FRMPD1: variants seen among roughly 807,000 people sequenced by gnomAD.
FRMPD1 encodes the protein FERM and PDZ domain-containing protein 1.
A neutral mutation model predicts 117.8 loss-of-function variants in FRMPD1; 76 were observed. That is an observed-to-expected ratio of 0.65 (90% CI 0.54 to 0.78). The LOEUF (loss-of-function observed/expected upper bound fraction) is 0.78, where lower values mean the gene tolerates loss of function less well. FRMPD1 is among the 30% of genes least tolerant of loss of function. The pLI is 0.00. For missense variants in FRMPD1, 1,786 were observed against 1,964.5 expected, an observed-to-expected ratio of 0.91 and a Z score of 1.72; for synonymous variants, 783 against 770.4, an observed-to-expected ratio of 1.02 and a Z score of -0.27.
chr9:37,651,608 G>T (rs986458311), intron 1 of FRMPD1, among the ~76,000 whole-genome samples: 1 of 152,258 alleles, frequency 6.6e-6, no homozygotes, highest in Non-Finnish European at 1.5e-5. Context: ...ACAGAAGTCA[G>T]TCTCCAGGGT....
intron 2 of FRMPD1, among the ~76,000 whole-genome samples, chr9:37,702,523 C>T (rs1822570581): frequency 6.6e-6 from 1 of 152,220 alleles, no homozygotes; most frequent in South Asian, 2.1e-4. Context: ...GACCTTTGAG[C>T]TGGACTTTGA....
chr9:37,643,256 CT>C, the FRMPD1 span, among the ~76,000 whole-genome samples: 2 of 152,014 alleles, frequency 1.3e-5, no homozygotes, highest in Admixed American at 6.5e-5. Context: ...TGGGCTTAGT[CT>C]TTTTTTCTAT....
intron 2 of FRMPD1, among the ~76,000 whole-genome samples, chr9:37,701,133 T>C (rs1822513794): frequency 6.6e-6 from 1 of 152,206 alleles, no homozygotes; most frequent in Non-Finnish European, 1.5e-5. Flanking sequence ...CAGTGCAATG[T>C]CATTTGTCCA....
chr9:37,603,319 G>A, the FRMPD1 span, among the ~76,000 whole-genome samples: 7 of 152,178 alleles, frequency 4.6e-5, no homozygotes, highest in Admixed American at 1.3e-4. Flanking sequence ...GAAGACTGTG[G>A]ACACTGGTGG....
intron 5 of FRMPD1, among the ~76,000 whole-genome samples, chr9:37,714,976 G>A (rs1823057852): frequency 6.6e-6 from 1 of 152,112 alleles, no homozygotes; most frequent in Non-Finnish European, 1.5e-5. Flanking sequence ...ATTGCAAAAT[G>A]ATCATATATG....
chr9:37,746,603 T>G lies in FRMPD1; in HGVS notation c.4571T>G (p.Leu1524Arg). 2 of 1,614,042 alleles carry G rather than the reference T, an allele frequency of 1.2e-6. No individual in the cohort carries two copies. The highest frequency in any genetic ancestry group is 1.7e-6 in the Non-Finnish European group (2 of 1,179,990). ...SARHREAAGN[L>R]RDVVYTYHQF... is the part of the protein sequence containing the mutation. ...CGGCACAGGGAGGCAGCGGGGAACC[T>G]GAGGGATGTGGTGTACACCTACCAT... Residue 1524 changes from leucine (L) to arginine (R), a missense_variant, in exon 16 of 16, where the codon CTG becomes CGG. By Grantham distance (102) the Leu-to-Arg change is moderately radical. Coordinates refer to ENST00000377765, the MANE Select transcript of FRMPD1 (RefSeq NM_014907.3).
chr9:37,636,122 G>T, the FRMPD1 span, among the ~76,000 whole-genome samples: 5 of 152,204 alleles, frequency 3.3e-5, no homozygotes, highest in African/African-American at 7.2e-5. Flanking sequence ...CAGCTGGACG[G>T]CTGGAGCTGG....
intron 12 of FRMPD1, among the ~76,000 whole-genome samples, chr9:37,734,500 T>C (rs74884005): frequency 0.04 from 6,127 of 151,688 alleles, 428 homozygotes; most frequent in African/African-American, 0.14. Flanking sequence ...CTTTCAGCAG[T>C]CAGTGTCTCG....
upstream of FRMPD1, among the ~76,000 whole-genome samples, chr9:37,648,512 A>G (rs1481932531): frequency 6.6e-6 from 1 of 152,182 alleles, no homozygotes; most frequent in East Asian, 1.9e-4. Context: ...GCAGTATGTG[A>G]AGGATGAAAA....
At chr9:37,608,934 C>T in the FRMPD1 span, among the ~76,000 whole-genome samples, 1 of 152,112 alleles carries the variant, frequency 6.6e-6, no homozygotes, top group Non-Finnish European at 1.5e-5. Flanking sequence ...ACAGTCCAAC[C>T]GTGCTCCTGA....
the FRMPD1 span, among the ~76,000 whole-genome samples, chr9:37,606,940 G>A: frequency 6.6e-6 from 1 of 152,204 alleles, no homozygotes; most frequent in African/African-American, 2.4e-5. Flanking sequence ...TGACTCCTGG[G>A]AGAAGGGAGA....
the FRMPD1 span, among the ~76,000 whole-genome samples, chr9:37,616,466 C>T: frequency 1.0e-3 from 159 of 152,124 alleles, 2 homozygotes; most frequent in Non-Finnish European, 2.0e-3. Context: ...AGGGAAAGGG[C>T]GGGGATTGGA....
chr9:37,626,637 A>AAAAAAAAAAAAAAAAAAAAAAAAAC, the FRMPD1 span, among the ~76,000 whole-genome samples: 1 of 144,606 alleles, frequency 6.9e-6, no homozygotes, highest in Non-Finnish European at 1.5e-5. Flanking sequence ...AAAAAAAAAA[A>AAAAAAAAAAAAAAAAAAAAAAAAAC]AAAAAGCTGG....
At chr9:37,692,544 T>C (rs1822175841) in intron 1 of FRMPD1, 94 bp from the exon 2 acceptor site, 3 of 838,814 alleles carry the variant, frequency 3.6e-6, no homozygotes, top group Non-Finnish European at 6.2e-6. Flanking sequence ...GCATGTCTTA[T>C]AATGGGCAAA....
intron 1 of FRMPD1, among the ~76,000 whole-genome samples, chr9:37,686,668 C>A (rs757993305): frequency 5.3e-5 from 8 of 152,158 alleles, no homozygotes; most frequent in East Asian, 3.8e-4. Context: ...CAAATTAATT[C>A]TCTTAATTAG....
chr9:37,642,715 A>G, the FRMPD1 span, among the ~76,000 whole-genome samples: 1 of 152,132 alleles, frequency 6.6e-6, no homozygotes, highest in Non-Finnish European at 1.5e-5. Flanking sequence ...GGAGTTCAGA[A>G]ATTTCACCAG....
chr9:37,622,663 T>C, the FRMPD1 span, among the ~76,000 whole-genome samples: 2 of 152,226 alleles, frequency 1.3e-5, no homozygotes, highest in South Asian at 2.1e-4. Flanking sequence ...ATTAATGCCA[T>C]CATCTCTGTT....
At chr9:37,631,745 A>C in the FRMPD1 span, among the ~76,000 whole-genome samples, 29 of 152,104 alleles carry the variant, frequency 1.9e-4, no homozygotes, top group African/African-American at 6.5e-4. Flanking sequence ...CTGGGACTGC[A>C]GGCGCATGCC....
the FRMPD1 span, among the ~76,000 whole-genome samples, chr9:37,608,360 TTTCTTTCTC>T: frequency 1.3e-4 from 19 of 150,200 alleles, no homozygotes; most frequent in African/African-American, 4.6e-4. Flanking sequence ...GCCTACTTTC[TTTCTTTCTC>T]TTCTTTCTCT....
Sources: gnomAD v4.1 joint callset for allele counts (sites outside exome capture counted in the v4.1 genomes callset) on GRCh38, gnomAD v4.1.1 for gene constraint, MANE v1.5 for transcripts, NCBI Gene and HGNC (gene_info 2026-07-23, HGNC 2026-07-21) for gene names.